Variants in GREB1L observed in about 807,000 individuals in gnomAD.
The protein encoded by GREB1L is GREB1-like protein.
A neutral mutation model predicts 200.8 loss-of-function variants in GREB1L; 17 were observed. The observed-to-expected ratio is 0.08, with a 90% CI of 0.06 to 0.13. The LOEUF is 0.13. Ranked by LOEUF, GREB1L falls within the 10% of genes least tolerant of loss-of-function variation. GREB1L has a pLI of 1.00. For missense variants in GREB1L, 1,657 were observed against 2,367.7 expected, an observed-to-expected ratio of 0.70 and a Z score of 6.23; for synonymous variants, 789 against 893.0, an observed-to-expected ratio of 0.88 and a Z score of 2.08.
rs918259943 is a variant in GREB1L at position 21,525,670 on chromosome 18, T to C, written c.*2849T>C. ...TAAAACTAATACAAGGTGTTTGTTATTGTTAATCTCCAGTTAAAACTTCTC... is the reference window on the plus strand; with the variant it reads ...TAAAACTAATACAAGGTGTTTGTTACTGTTAATCTCCAGTTAAAACTTCTC... On this transcript the variant is annotated 3_prime_UTR_variant, in exon 33 of 33. Coordinates refer to ENST00000424526, the MANE Select transcript of GREB1L (RefSeq NM_001142966.3). Among the ~76,000 whole-genome samples the C allele has an allele frequency of 1.3e-5, 2 of 152,206 alleles. No homozygotes were observed. Among genetic ancestry groups the C allele is most frequent in the African/African-American group, 2.4e-5 (1 of 41,462 alleles).
Position 21,383,505 on chromosome 18 carries a change from G to A in GREB1L, c.-9-5G>A. 1 of 1,513,858 alleles carries A rather than the reference G, an allele frequency of 6.6e-7. No homozygotes were observed. Among genetic ancestry groups the A allele is most frequent in the South Asian group, 1.3e-5 (1 of 77,342 alleles). 93.8% of individuals were successfully genotyped at this position (1,513,858 alleles called of 1,614,324 possible). A position where few individuals can be genotyped will look rare whatever the true frequency, so the allele number is the denominator to read the frequency against. On this transcript the variant is annotated splice_region_variant and splice_polypyrimidine_tract_variant and intron_variant, in intron 2 of 32. Transcript: ENST00000424526. ...TCCTTTCTTCTTTTTCTTGGGGATG[G>A]GTAGGTGTAGATCATGGGGAATTCA...
intron 17 of GREB1L, among the ~76,000 whole-genome samples, chr18:21,485,004 G>C (rs1472880176): frequency 6.6e-6 from 1 of 152,076 alleles, no homozygotes; most frequent in Non-Finnish European, 1.5e-5. Flanking sequence ...TAAGCAACTT[G>C]TCACACTTCT....
chr18:21,242,783 C>T (rs2037522822), intron 1 of GREB1L, among the ~76,000 whole-genome samples: 1 of 152,098 alleles, frequency 6.6e-6, no homozygotes. Context: ...CCGAGTAGCG[C>T]GGGGTCCCCC....
intron 18 of GREB1L, among the ~76,000 whole-genome samples, chr18:21,486,121 G>A (rs556277220): frequency 1.8e-4 from 28 of 152,288 alleles, no homozygotes; most frequent in African/African-American, 6.0e-4. Context: ...TTGGGAGGCC[G>A]AGGCGGGCGG....
chr18:21,314,996 A>G (rs2038845923), intron 1 of GREB1L, among the ~76,000 whole-genome samples: 1 of 152,250 alleles, frequency 6.6e-6, no homozygotes, highest in South Asian at 2.1e-4. Context: ...AATGTAGGTC[A>G]GTGGATTTGG....
chr18:21,438,087 C>T (rs867766396), intron 7 of GREB1L, among the ~76,000 whole-genome samples: 3 of 151,842 alleles, frequency 2.0e-5, no homozygotes, highest in Non-Finnish European at 4.4e-5. Flanking sequence ...CCAAGACCAG[C>T]CTGGGAAACC....
At chr18:21,351,506 G>A (rs188590720) in intron 1 of GREB1L, among the ~76,000 whole-genome samples, 51 of 152,084 alleles carry the variant, frequency 3.4e-4, no homozygotes, top group African/African-American at 1.1e-3. Context: ...CCAGGAGGTG[G>A]AGGTTGCAGT....
At chr18:21,471,555 G>C (rs1017851645) in intron 15 of GREB1L, among the ~76,000 whole-genome samples, 1 of 151,948 alleles carries the variant, frequency 6.6e-6, no homozygotes, top group African/African-American at 2.4e-5. Context: ...AAGTGGCATG[G>C]CACACAGTAG....
chr18:21,505,555 G>A lies in GREB1L; in HGVS notation c.4216G>A (p.Gly1406Arg). The change falls in exon 24 of 33, where the codon GGG (glycine) becomes AGG (arginine). Residue 1406 changes from glycine (G) to arginine (R), a missense_variant. By Grantham distance (125) the Gly-to-Arg change is moderately radical (BLOSUM62 -2). Transcript: ENST00000424526. ...CCTGGTGTATACTGAGAAGCTGGCA[G>A]GGGTCAAACAAGGTCAGTGCAATCA... ...MSLVYTEKLA[G>R]VKQEVIKESK... is the part of the protein sequence containing the mutation. The A allele has an allele frequency of 6.4e-7, 1 of 1,551,790 alleles. No individual in the cohort carries two copies. The highest frequency in any genetic ancestry group is 1.2e-5 in the South Asian group (1 of 84,052).
chr18:21,317,349 C>T (rs1023323802), intron 1 of GREB1L: 1 of 150,750 alleles, frequency 6.6e-6, no homozygotes, highest in African/African-American at 2.5e-5. Flanking sequence ...ACATATAATC[C>T]CAGCACTTTG....
chr18:21,343,370 A>T lies in GREB1L; in HGVS notation c.-119-22657A>T, dbSNP rs190539721. On this transcript the variant is annotated intron_variant, in intron 1 of 32. Coordinates refer to ENST00000424526, the MANE Select transcript of GREB1L (RefSeq NM_001142966.3). ...TTAGAAATGCTATGATCTCTAGATT[A>T]TAACCCAATTTTATAGAGAGAGGGA... Among the ~76,000 whole-genome samples the T allele has an allele frequency of 7.2e-5, 11 of 152,364 alleles. No homozygotes were observed. In the East Asian group the frequency reaches 7.7e-4, roughly 11 times the overall value.
intron 1 of GREB1L, among the ~76,000 whole-genome samples, chr18:21,338,938 T>G (rs1359399751): frequency 2.6e-5 from 4 of 152,188 alleles, no homozygotes; most frequent in Non-Finnish European, 5.9e-5. Flanking sequence ...CCTGTAATCC[T>G]AGCACTTTGG....
intron 7 of GREB1L, among the ~76,000 whole-genome samples, chr18:21,415,248 G>T (rs1011301767): frequency 6.6e-6 from 1 of 152,230 alleles, no homozygotes; most frequent in African/African-American, 2.4e-5. Context: ...AAGCGTGGTG[G>T]CTCACATCTG....
At chr18:21,390,141 G>A (rs1169042339) in intron 4 of GREB1L, among the ~76,000 whole-genome samples, 2 of 152,132 alleles carry the variant, frequency 1.3e-5, no homozygotes, top group Non-Finnish European at 2.9e-5. Context: ...TTGTGGTGAT[G>A]CTGATGTAAA....
chr18:21,374,801 C>T (rs1237855948), intron 2 of GREB1L, among the ~76,000 whole-genome samples: 1 of 150,228 alleles, frequency 6.7e-6, no homozygotes, highest in African/African-American at 2.4e-5. Flanking sequence ...AAGTGCAGTA[C>T]TTGAAAATAT....
At chr18:21,341,201 C>T (rs1368310808) in intron 1 of GREB1L, among the ~76,000 whole-genome samples, 1 of 152,112 alleles carries the variant, frequency 6.6e-6, no homozygotes, top group Non-Finnish European at 1.5e-5. Flanking sequence ...GTGTTGCAGT[C>T]AGCAAATAAG....
intron 25 of GREB1L, among the ~76,000 whole-genome samples, chr18:21,507,175 G>A (rs575667918): frequency 2.3e-4 from 35 of 152,178 alleles, no homozygotes; most frequent in African/African-American, 8.4e-4. Flanking sequence ...TTTGAAATAA[G>A]CTCATAAAAG....
rs141507682 is a variant in GREB1L, at chr18:21,273,715, G to A, written c.-120+31322G>A. 2.6e-4 allele frequency among the ~76,000 whole-genome samples: 40 copies of A among 152,254 alleles called. No homozygotes were observed. The East Asian group carries it at 6.2e-3, about 24-fold the overall frequency. On this transcript the variant is annotated intron_variant, in intron 1 of 32. Transcript: ENST00000424526. Reference sequence around the variant, plus strand: ...GAGGAAGATTGAGACAAAGCACAATGGAGAGTAGGGGAGAGAGCACTTCAG... The same window carrying A: ...GAGGAAGATTGAGACAAAGCACAATAGAGAGTAGGGGAGAGAGCACTTCAG...
intron 2 of GREB1L, among the ~76,000 whole-genome samples, chr18:21,376,710 C>G (rs890767573): frequency 2.0e-5 from 3 of 147,160 alleles, no homozygotes; most frequent in Non-Finnish European, 3.0e-5. Flanking sequence ...GAGGCTGAGG[C>G]AGGAGAGTGG....
Sources: allele counts gnomAD v4.1 joint callset (sites outside exome capture counted in the v4.1 genomes callset), GRCh38; gene constraint gnomAD v4.1.1; transcripts MANE v1.5; gene names NCBI Gene and HGNC (gene_info 2026-07-23, HGNC 2026-07-21).